Variants in BMPR1B observed in about 807,000 individuals in gnomAD.
The protein encoded by BMPR1B is bone morphogenetic protein receptor type 1B, also known as bone morphogenetic protein receptor type-1B.
BMPR1B carries 12 observed loss-of-function variants against 59.1 expected under a neutral mutation model. The ratio of observed to expected loss-of-function variants is 0.20; its 90% CI spans 0.13 to 0.33. The LOEUF is 0.33. BMPR1B is among the 10% of genes least tolerant of loss of function. The pLI, the probability that BMPR1B is intolerant of heterozygous loss-of-function variation, is 1.00. For missense variants in BMPR1B, 550 were observed against 610.9 expected (o/e 0.90, Z 1.05); for synonymous variants, 237 against 207.3 (o/e 1.14, Z -1.23).
intron 1 of BMPR1B, among the ~76,000 whole-genome samples, chr4:94,833,754 A>G (rs978547988): frequency 6.6e-5 from 10 of 152,214 alleles, no homozygotes; most frequent in African/African-American, 1.9e-4. Flanking sequence ...ATAGACCCAG[A>G]ATTGTTCTTA....
chr4:95,111,438 A>G (rs932521289), intron 4 of BMPR1B, among the ~76,000 whole-genome samples: 7 of 152,136 alleles, frequency 4.6e-5, no homozygotes, highest in African/African-American at 1.2e-4. Context: ...CACTATATTC[A>G]TGTGAAATAA....
At chr4:94,975,371 T>TG (rs528915459) in intron 2 of BMPR1B, among the ~76,000 whole-genome samples, 2 of 145,354 alleles carry the variant, frequency 1.4e-5, no homozygotes, top group Non-Finnish European at 3.0e-5. Flanking sequence ...TTGTTTTTTT[T>TG]TTTTTTTTTT....
At chr4:94,937,808 A>G (rs757254511) in intron 2 of BMPR1B, among the ~76,000 whole-genome samples, 11 of 152,240 alleles carry the variant, frequency 7.2e-5, no homozygotes, top group South Asian at 4.1e-4. Context: ...TCGGATAGCA[A>G]TCATAAACTA....
intron 3 of BMPR1B, among the ~76,000 whole-genome samples, chr4:95,020,181 G>C (rs1723870032): frequency 6.6e-6 from 1 of 152,156 alleles, no homozygotes; most frequent in Non-Finnish European, 1.5e-5. Flanking sequence ...AATGTCTGGA[G>C]ACATTTTTTA....
At chr4:95,128,970 T>TCTCTCCCTC (rs1733101358) in intron 8 of BMPR1B, among the ~76,000 whole-genome samples, 1 of 152,102 alleles carries the variant, frequency 6.6e-6, no homozygotes, top group Non-Finnish European at 1.5e-5. Flanking sequence ...CCTCCATTTT[T>TCTCTCCCTC]TTTTGTTCTC....
At chr4:94,940,219 C>G (rs7683985) in intron 2 of BMPR1B, among the ~76,000 whole-genome samples, 1 of 152,172 alleles carries the variant, frequency 6.6e-6, no homozygotes, top group African/African-American at 2.4e-5. Flanking sequence ...TTGTCCAACC[C>G]GTGGCCCACA....
intron 1 of BMPR1B, among the ~76,000 whole-genome samples, chr4:94,821,855 C>G (rs947425718): frequency 6.6e-6 from 1 of 152,106 alleles, no homozygotes; most frequent in Non-Finnish European, 1.5e-5. Context: ...GTCTATTCAC[C>G]TCACAGGTAA....
rs550804543 is a variant in BMPR1B at position 94,786,549 on chromosome 4, A to T, written c.-183+28481A>T. Among the ~76,000 whole-genome samples, 57 of 151,764 alleles carry T rather than the reference A, an allele frequency of 3.8e-4. No individual in the cohort carries two copies. The East Asian group carries it at 5.2e-3, about 14-fold the overall frequency. ...CTAATTTTTATTTATTTATTTATTTATTTTTTTGAGACGGAGTCTCGCTCT... is the reference window on the plus strand; with the variant it reads ...CTAATTTTTATTTATTTATTTATTTTTTTTTTTGAGACGGAGTCTCGCTCT... On this transcript the variant is annotated intron_variant, in intron 1 of 12. Transcript: ENST00000515059.
intron 3 of BMPR1B, among the ~76,000 whole-genome samples, chr4:95,058,118 A>C (rs1727068557): frequency 6.6e-6 from 1 of 152,200 alleles, no homozygotes. Flanking sequence ...TCCTTTATTG[A>C]AATGGTAGTT....
At chr4:95,130,546 T>G (rs1213886633) in intron 9 of BMPR1B, among the ~76,000 whole-genome samples, 1 of 152,052 alleles carries the variant, frequency 6.6e-6, no homozygotes, top group Non-Finnish European at 1.5e-5. Context: ...CAAGACCCTG[T>G]TTTGCAATGT....
At chr4:94,813,210 T>A (rs941579860) in intron 1 of BMPR1B, among the ~76,000 whole-genome samples, 15 of 151,790 alleles carry the variant, frequency 9.9e-5, no homozygotes, top group African/African-American at 3.4e-4. Flanking sequence ...AATAAGAAAA[T>A]ATATATAGCG....
chr4:94,770,180 G>GTTTTTTTTTTTTTTTTTTTTTTT lies in BMPR1B; in HGVS notation c.-183+12113_-183+12114insTTTTTTTTTTTTTTTTTTTTTTT, dbSNP rs1553903537. On this transcript the variant is annotated intron_variant, in intron 1 of 12. Transcript: ENST00000515059. ...TTTGTTTGAATTGTCCTTCGTTTCT[G>GTTTTTTTTTTTTTTTTTTTTTTT]TGTTTGTTTTTTTTTTTTTTTTTTG... Among the ~76,000 whole-genome samples the GTTTTTTTTTTTTTTTTTTTTTTT allele has an allele frequency of 2.0e-4, 21 of 106,270 alleles. 2 individuals are homozygous for GTTTTTTTTTTTTTTTTTTTTTTT. Among genetic ancestry groups the GTTTTTTTTTTTTTTTTTTTTTTT allele is most frequent in the African/African-American group, 8.3e-4 (20 of 24,202 alleles). The allele number at this position is 106,270 out of a possible 152,430, so 69.7% of individuals were successfully genotyped here.
intron 2 of BMPR1B, among the ~76,000 whole-genome samples, chr4:94,968,886 A>G (rs1156269908): frequency 2.0e-5 from 3 of 152,134 alleles, no homozygotes; most frequent in Non-Finnish European, 4.4e-5. Context: ...GTTCTTTGCC[A>G]TATTCCCTGG....
intron 3 of BMPR1B, among the ~76,000 whole-genome samples, chr4:95,053,199 T>C (rs1323302691): frequency 6.6e-6 from 1 of 151,852 alleles, no homozygotes; most frequent in Non-Finnish European, 1.5e-5. Context: ...GTGAGGAAGT[T>C]GACATCCAGA....
At position 94,832,628 on chromosome 4, in the gene BMPR1B, C is replaced by T. The variant is rs561678823; in HGVS notation, c.-182-43203C>T. Among the ~76,000 whole-genome samples, 357 of 151,908 alleles carry T rather than the reference C, an allele frequency of 2.4e-3. 1 individual carries two copies. The highest frequency in any genetic ancestry group is 2.7e-3 in the Non-Finnish European group (185 of 67,936). On this transcript the variant is annotated intron_variant, in intron 1 of 12. Transcript: ENST00000515059. ...TAAAACACCGTCTCTACTAAAAATA[C>T]AAAAATCAGCCAGACCTGGTGGTGT...
intron 1 of BMPR1B, among the ~76,000 whole-genome samples, chr4:94,818,369 C>T (rs760742257): frequency 6.7e-4 from 102 of 152,086 alleles, no homozygotes; most frequent in Non-Finnish European, 9.8e-4. Flanking sequence ...CTATTATCAT[C>T]CCATTTTATA....
At chr4:94,911,084 A>G (rs1728256950) in intron 2 of BMPR1B, among the ~76,000 whole-genome samples, 1 of 152,172 alleles carries the variant, frequency 6.6e-6, no homozygotes, top group Admixed American at 6.5e-5. Flanking sequence ...ATTCATAAAA[A>G]CTATTCTAGT....
chr4:95,041,803 G>T (rs1391741331), intron 3 of BMPR1B, among the ~76,000 whole-genome samples: 2 of 152,200 alleles, frequency 1.3e-5, no homozygotes, highest in South Asian at 2.1e-4. Context: ...AGGATTAAAT[G>T]AAATAATCAG....
At chr4:94,910,698 A>C (rs1481284157) in intron 2 of BMPR1B, among the ~76,000 whole-genome samples, 1 of 152,070 alleles carries the variant, frequency 6.6e-6, no homozygotes, top group Non-Finnish European at 1.5e-5. Context: ...ACTTGAGGCC[A>C]GAAGTTTGAG....
Sources: gnomAD v4.1 joint callset for allele counts (sites outside exome capture counted in the v4.1 genomes callset) on GRCh38, gnomAD v4.1.1 for gene constraint, MANE v1.5 for transcripts, NCBI Gene and HGNC (gene_info 2026-07-23, HGNC 2026-07-21) for gene names.